ROBO2: variants seen among roughly 807,000 people sequenced by gnomAD.
ROBO2 encodes roundabout homolog 2.
In ROBO2, 53 loss-of-function variants were observed where a neutral mutation model predicts 160.8. The ratio of observed to expected loss-of-function variants is 0.33; its 90% CI spans 0.26 to 0.41. ROBO2 has a LOEUF of 0.41. Among genes scored for constraint, ROBO2 ranks in the 10% least tolerant of loss-of-function variants. The pLI, the probability that ROBO2 is intolerant of heterozygous loss-of-function variation, is 1.00. For synonymous variants in ROBO2, 664 were observed against 611.7 expected (o/e 1.09, Z -1.26); for missense variants, 1,577 against 1,722.4 (o/e 0.92, Z 1.49).
chr3:77,295,868 C>A (rs1019849712), intron 2 of ROBO2, among the ~76,000 whole-genome samples: 4 of 142,094 alleles, frequency 2.8e-5, no homozygotes, highest in Admixed American at 2.1e-4. Context: ...CTAGATCACC[C>A]CAGACACAAA....
At chr3:76,258,019 T>G (rs2107582695) in intron 2 of ROBO2, among the ~76,000 whole-genome samples, 1 of 152,250 alleles carries the variant, frequency 6.6e-6, no homozygotes, top group East Asian at 1.9e-4. Context: ...TTTCTGTTTT[T>G]TTCTCTCATC....
chr3:76,397,852 T>C (rs1410846614), intron 2 of ROBO2, among the ~76,000 whole-genome samples: 1 of 151,092 alleles, frequency 6.6e-6, no homozygotes, highest in Non-Finnish European at 1.5e-5. Context: ...TGTGGAGAAA[T>C]AGGAACACTT....
intron 2 of ROBO2, among the ~76,000 whole-genome samples, chr3:76,750,201 G>A (rs543516394): frequency 5.3e-5 from 8 of 152,152 alleles, no homozygotes; most frequent in Non-Finnish European, 8.8e-5. Context: ...AAAACCACAT[G>A]ATTATCTCAG....
chr3:77,457,992 G>A (rs1449053132), intron 2 of ROBO2, among the ~76,000 whole-genome samples: 2 of 152,074 alleles, frequency 1.3e-5, no homozygotes, highest in South Asian at 2.1e-4. Context: ...ATTTGATTAT[G>A]CAAAACCATG....
At chr3:77,211,737 G>C (rs888850092) in intron 2 of ROBO2, among the ~76,000 whole-genome samples, 1 of 152,124 alleles carries the variant, frequency 6.6e-6, no homozygotes, top group African/African-American at 2.4e-5. Context: ...AATCCCTCTT[G>C]AATTAATTTT....
intron 2 of ROBO2, among the ~76,000 whole-genome samples, chr3:77,455,681 C>T (rs910257151): frequency 1.3e-5 from 2 of 151,910 alleles, no homozygotes; most frequent in Non-Finnish European, 1.5e-5. Context: ...CCGCCCGCCT[C>T]GGGCTCCCAA....
At chr3:76,787,913 C>T (rs569054474) in intron 2 of ROBO2, among the ~76,000 whole-genome samples, 22 of 151,374 alleles carry the variant, frequency 1.5e-4, no homozygotes, top group African/African-American at 4.6e-4. Context: ...ATTAGTATTA[C>T]GTATATAGAG....
chr3:76,515,794 T>A (rs974037061), intron 2 of ROBO2, among the ~76,000 whole-genome samples: 1 of 152,148 alleles, frequency 6.6e-6, no homozygotes, highest in Non-Finnish European at 1.5e-5. Context: ...TTCATTCCCT[T>A]CTCATTCTCA....
rs913044457 is a variant in ROBO2, at chr3:76,246,125, GT to G, written c.109+308533del. 1.3e-4 allele frequency among the ~76,000 whole-genome samples: 19 copies of G among 149,854 alleles called. 2 individuals carry two copies. The highest frequency in any genetic ancestry group is 3.9e-4 in the East Asian group (2 of 5,112). On this transcript the variant is annotated intron_variant, in intron 2 of 26. Transcript: ENST00000487694. ...GTATGTGTATTTTGTTAGTGAAGAA[GT>G]TTTTTTTTTCCAAACCAGATTATTT...
At position 76,754,369 on chromosome 3, in the gene ROBO2, C is replaced by A. The variant is rs2060847033; in HGVS notation, c.110-343645C>A. 2.0e-5 allele frequency among the ~76,000 whole-genome samples: 3 copies of A among 152,024 alleles called. No individual in the cohort carries two copies. In the South Asian group the frequency reaches 6.2e-4, roughly 31 times the overall value. ...AGCCTCGTTATCTGTCAAAGGTTAA[C>A]TGCACCGTATACATTACGGCTGCAA... is the stretch of plus-strand genomic sequence containing the variant. On this transcript the variant is annotated intron_variant, in intron 2 of 26. Coordinates refer to the ROBO2 transcript ENST00000487694.
At chr3:77,028,816 A>G (rs552862976) in intron 2 of ROBO2, among the ~76,000 whole-genome samples, 1 of 152,182 alleles carries the variant, frequency 6.6e-6, no homozygotes. Flanking sequence ...CCATGTTGCC[A>G]TATATATAGC....
chr3:76,164,067 A>G (rs1393523158), intron 2 of ROBO2, among the ~76,000 whole-genome samples: 4 of 152,204 alleles, frequency 2.6e-5, no homozygotes, highest in Non-Finnish European at 5.9e-5. Flanking sequence ...CTAAGTTTAC[A>G]TAATATTCTA....
intron 2 of ROBO2, among the ~76,000 whole-genome samples, chr3:76,655,285 T>G (rs1217058612): frequency 6.7e-6 from 1 of 150,024 alleles, no homozygotes; most frequent in Non-Finnish European, 1.5e-5. Context: ...AATGCATGAA[T>G]TATGGCTAAA....
Position 76,143,177 on chromosome 3 carries a change from C to T in ROBO2, c.109+205575C>T, listed in dbSNP as rs1206233774. Among the ~76,000 whole-genome samples the T allele has an allele frequency of 5.3e-5, 8 of 152,012 alleles. No homozygotes were observed. In the East Asian group the frequency reaches 1.6e-3, roughly 30 times the overall value. On this transcript the variant is annotated intron_variant, in intron 2 of 26. Coordinates refer to the ROBO2 transcript ENST00000487694. ...AAGTAGCTGGGACTATACGCATGCACCACTATATTCAGATATTTATTACTA... is the reference window on the plus strand; with the variant it reads ...AAGTAGCTGGGACTATACGCATGCATCACTATATTCAGATATTTATTACTA...
At chr3:77,252,831 A>AAATATATATATATATAT in intron 2 of ROBO2, among the ~76,000 whole-genome samples, 1 of 12,524 alleles carries the variant, frequency 8.0e-5, no homozygotes, top group African/African-American at 1.6e-4. Flanking sequence ...AAAAAAAAAA[A>AAATATATATATATATAT]ATATATATAT....
intron 23 of ROBO2, chr3:77,634,610 T>G: frequency 1.1e-5 from 5 of 460,594 alleles, no homozygotes; most frequent in Non-Finnish European, 1.6e-5. Context: ...GAGTTGTGGA[T>G]TGGTGGATCT....
At chr3:76,954,160 T>G (rs1236000701) in intron 2 of ROBO2, among the ~76,000 whole-genome samples, 1 of 152,188 alleles carries the variant, frequency 6.6e-6, no homozygotes, top group African/African-American at 2.4e-5. Context: ...CAAACCACCT[T>G]TCTTTCAATA....
intron 2 of ROBO2, among the ~76,000 whole-genome samples, chr3:76,689,711 A>G (rs1429151780): frequency 6.6e-6 from 1 of 152,150 alleles, no homozygotes; most frequent in Non-Finnish European, 1.5e-5. Flanking sequence ...CATCATACGG[A>G]AAGCTTTCCA....
At chr3:77,631,456 G>A (rs2095160819) in intron 23 of ROBO2, 1 of 152,082 alleles carries the variant, frequency 6.6e-6, no homozygotes, top group Admixed American at 6.6e-5. Flanking sequence ...TCTTAAATTA[G>A]TTTCTTACAA....
Sources: allele counts gnomAD v4.1 joint callset (sites outside exome capture counted in the v4.1 genomes callset), GRCh38; gene constraint gnomAD v4.1.1; transcripts MANE v1.5; gene names NCBI Gene and HGNC (gene_info 2026-07-23, HGNC 2026-07-21).